Variants in BBS9 observed in about 807,000 individuals in gnomAD.
BBS9 encodes protein PTHB1.
In BBS9, 89 loss-of-function variants were observed where a neutral mutation model predicts 117.7. The ratio of observed to expected loss-of-function variants is 0.76; its 90% confidence interval spans 0.64 to 0.90. The LOEUF is 0.90. BBS9 is among the 40% of genes least tolerant of loss of function. The pLI is 0.00. For missense variants in BBS9, 982 were observed against 1,042.2 expected, an observed-to-expected ratio of 0.94 and a Z score of 0.80; for synonymous variants, 379 against 370.9, an observed-to-expected ratio of 1.02 and a Z score of -0.25.
At chr7:33,441,723 A>G (rs1269231776) in intron 19 of BBS9, among the ~76,000 whole-genome samples, 1 of 152,070 alleles carries the variant, frequency 6.6e-6, no homozygotes, top group African/African-American at 2.4e-5. Flanking sequence ...CTTTTGTTTT[A>G]TCTCATTACC....
chr7:33,299,928 T>C (rs1172240327), intron 9 of BBS9, among the ~76,000 whole-genome samples: 1 of 152,146 alleles, frequency 6.6e-6, no homozygotes, highest in Non-Finnish European at 1.5e-5. Flanking sequence ...ATGCTATAAA[T>C]TGGCAAGCAG....
Position 33,368,616 on chromosome 7 carries a change from A to ACACACACACACACC in BBS9, c.1789+755_1789+756insACACACACACACCC, listed in dbSNP as rs996468631. Among the ~76,000 whole-genome samples the ACACACACACACACC allele has an allele frequency of 1.0e-3, 152 of 145,686 alleles. 1 individual carries two copies. The highest frequency in any genetic ancestry group is 3.7e-3 in the African/African-American group (139 of 38,018). On this transcript the variant is annotated intron_variant, in intron 17 of 22. Coordinates refer to ENST00000242067, the MANE Select transcript of BBS9 (RefSeq NM_198428.3). ...CACACACACACACACACACACACACACCCATACCCCCTTGAAATAGTCTGG... is the reference window on the plus strand; with the variant it reads ...CACACACACACACACACACACACACACACACACACACACCCCCATACCCCCTTGAAATAGTCTGG...
At chr7:33,162,631 G>C (rs1795034810) in intron 4 of BBS9, among the ~76,000 whole-genome samples, 1 of 152,026 alleles carries the variant, frequency 6.6e-6, no homozygotes, top group African/African-American at 2.4e-5. Flanking sequence ...GGCTCTGTTT[G>C]TCTGTTGTTG....
chr7:33,215,964 C>G (rs1320513662), intron 5 of BBS9, among the ~76,000 whole-genome samples: 1 of 147,588 alleles, frequency 6.8e-6, no homozygotes, highest in African/African-American at 2.5e-5. Context: ...GTTTAGGAAA[C>G]TAACCTAAAA....
In BBS9 at chr7:33,596,389, ATC is replaced by A. The variant is rs879299272; in HGVS notation, c.2522-8474_2522-8473del. 2.5e-4 allele frequency among the ~76,000 whole-genome samples: 37 copies of A among 150,930 alleles called. 1 individual carries two copies. The highest frequency in any genetic ancestry group is 8.5e-4 in the African/African-American group (35 of 41,032). On this transcript the variant is annotated intron_variant, in intron 21 of 22. Coordinates refer to ENST00000242067, the MANE Select transcript of BBS9 (RefSeq NM_198428.3). Reference sequence around the variant, plus strand: ...TATCTATCTATCTATCTATCTATCTATCTATATATAATTAGTCAAAAAAATTC... The same window carrying A: ...TATCTATCTATCTATCTATCTATCTATATATATAATTAGTCAAAAAAATTC...
chr7:33,217,383 C>G (rs116209609), intron 5 of BBS9, among the ~76,000 whole-genome samples: 2,660 of 152,138 alleles, frequency 0.017, 57 homozygotes, highest in African/African-American at 0.061. Context: ...TTTATTAACA[C>G]TAAAGTTTTT....
At chr7:33,397,989 GA>G (rs1037340416) in intron 19 of BBS9, among the ~76,000 whole-genome samples, 7 of 149,072 alleles carry the variant, frequency 4.7e-5, no homozygotes, top group Non-Finnish European at 8.9e-5. Flanking sequence ...AATAGTTGAA[GA>G]AAAAAAAATA....
At chr7:33,495,443 T>G (rs1844574581) in intron 19 of BBS9, among the ~76,000 whole-genome samples, 1 of 152,212 alleles carries the variant, frequency 6.6e-6, no homozygotes, top group Non-Finnish European at 1.5e-5. Flanking sequence ...ATTCTAAACT[T>G]AGAAACTATT....
At chr7:33,477,419 C>A (rs934765528) in intron 19 of BBS9, among the ~76,000 whole-genome samples, 2 of 152,080 alleles carry the variant, frequency 1.3e-5, no homozygotes, top group African/African-American at 4.8e-5. Context: ...CTTCTTTTTT[C>A]CTTCTAGTTT....
At chr7:33,403,132 G>A (rs1829220047) in intron 19 of BBS9, among the ~76,000 whole-genome samples, 2 of 151,818 alleles carry the variant, frequency 1.3e-5, no homozygotes, top group African/African-American at 4.8e-5. Context: ...GGGAGTAGAT[G>A]TGCAGATTTG....
intron 19 of BBS9, among the ~76,000 whole-genome samples, chr7:33,407,916 CT>C (rs1830346990): frequency 6.6e-6 from 1 of 152,252 alleles, no homozygotes; most frequent in South Asian, 2.1e-4. Context: ...GCAGTCTGCC[CT>C]TTCTCAGATC....
intron 17 of BBS9, among the ~76,000 whole-genome samples, chr7:33,368,352 A>G (rs1822189965): frequency 6.6e-6 from 1 of 152,162 alleles, no homozygotes; most frequent in Non-Finnish European, 1.5e-5. Context: ...GTAGGCAGAA[A>G]GGTGTAGTAA....
At chr7:33,135,336 C>G (rs1790294327) in intron 1 of BBS9, among the ~76,000 whole-genome samples, 1 of 152,180 alleles carries the variant, frequency 6.6e-6, no homozygotes, top group African/African-American at 2.4e-5. Context: ...ATACTTAGAT[C>G]TTTGACATAT....
At chr7:33,330,394 A>G (rs756696686) in intron 9 of BBS9, among the ~76,000 whole-genome samples, 12 of 152,176 alleles carry the variant, frequency 7.9e-5, no homozygotes, top group Non-Finnish European at 1.3e-4. Context: ...TGTATTTTAT[A>G]TTGGTTGCCA....
rs1204574494 is a variant in BBS9 at position 33,273,930 on chromosome 7, T to A, written c.990T>A (p.Pro330=). The stretch of plus-strand genomic sequence containing the variant: ...GGGCCACCCAACTTCCCCACATTCC[T>A]GTAGCAGTAAGAGTGGGCTGTTTGC... ...LKWATQLPHI[P]VAVRVGCLHD... is the part of the protein sequence containing the mutation. The change falls in exon 9 of 23, where the codon CCT becomes CCA. Residue 330 remains proline, a synonymous_variant. Transcript: ENST00000242067. The A allele has an allele frequency of 1.2e-6, 2 of 1,613,742 alleles. No individual in the cohort carries two copies. Among genetic ancestry groups the A allele is most frequent in the South Asian group, 2.2e-5 (2 of 91,078 alleles).
chr7:33,165,710 T>C (rs1179154942), intron 4 of BBS9, among the ~76,000 whole-genome samples: 1 of 152,180 alleles, frequency 6.6e-6, no homozygotes, highest in Admixed American at 6.5e-5. Context: ...TTCTCTACAC[T>C]GTTTATTCTA....
intron 15 of BBS9, among the ~76,000 whole-genome samples, chr7:33,354,274 G>C (rs1052048794): frequency 6.6e-6 from 1 of 152,102 alleles, no homozygotes; most frequent in African/African-American, 2.4e-5. Flanking sequence ...TACACACAAG[G>C]CTTCATATTT....
At chr7:33,309,943 A>G (rs1309506406) in intron 9 of BBS9, among the ~76,000 whole-genome samples, 2 of 152,228 alleles carry the variant, frequency 1.3e-5, no homozygotes, top group Admixed American at 6.5e-5. Flanking sequence ...AGATCTTAAA[A>G]GAAACTAGAG....
intron 2 of BBS9, among the ~76,000 whole-genome samples, chr7:33,147,139 C>T (rs1325487909): frequency 6.6e-6 from 1 of 152,060 alleles, no homozygotes; most frequent in African/African-American, 2.4e-5. Context: ...ATACTAAAAC[C>T]TACATTCTAG....
Sources: gnomAD v4.1 joint callset for allele counts (sites outside exome capture counted in the v4.1 genomes callset) on GRCh38, gnomAD v4.1.1 for gene constraint, MANE v1.5 for transcripts, NCBI Gene and HGNC (gene_info 2026-07-23, HGNC 2026-07-21) for gene names.